Variants in CKAP5 observed in about 807,000 individuals in gnomAD.
The protein encoded by CKAP5 is cytoskeleton-associated protein 5.
CKAP5 carries 27 observed loss-of-function variants against 232.8 expected under a neutral mutation model. The observed-to-expected ratio is 0.12, with a 90% CI of 0.09 to 0.16. The LOEUF (loss-of-function observed/expected upper bound fraction) is 0.16, where lower values mean the gene tolerates loss of function less well. Ranked by LOEUF, CKAP5 falls within the 10% of genes least tolerant of loss-of-function variation. CKAP5 has a pLI of 1.00. For synonymous variants in CKAP5, 785 were observed against 841.1 expected, an observed-to-expected ratio of 0.93 and a Z score of 1.16; for missense variants, 1,838 against 2,424.7, an observed-to-expected ratio of 0.76 and a Z score of 5.08.
chr11:46,797,436 A>G (rs1483172842), intron 11 of CKAP5, among the ~76,000 whole-genome samples: 1 of 152,142 alleles, frequency 6.6e-6, no homozygotes, highest in Non-Finnish European at 1.5e-5. Context: ...AACCCTTGGT[A>G]ATCCATTTAG....
intron 33 of CKAP5, 94 bp from the exon 34 acceptor site, chr11:46,759,536 G>T (rs2065139067): frequency 7.9e-7 from 1 of 1,269,704 alleles, no homozygotes; most frequent in Non-Finnish European, 1.1e-6. Flanking sequence ...CTTCAGGACA[G>T]ATGTTCAACT....
chr11:46,753,681 G>T (rs1290754833), intron 36 of CKAP5, among the ~76,000 whole-genome samples, 184 bp from the exon 37 acceptor site: 1 of 151,890 alleles, frequency 6.6e-6, no homozygotes, highest in Non-Finnish European at 1.5e-5. Context: ...CTGCCTCCCC[G>T]GTTCATGCCA....
At chr11:46,764,941 T>C (rs950995679) in intron 28 of CKAP5, among the ~76,000 whole-genome samples, 190 bp downstream of exon 28, 3 of 58,336 alleles carry the variant, frequency 5.1e-5, no homozygotes, top group Admixed American at 1.8e-4. Flanking sequence ...CAGGGAAAAA[T>C]AGGCAATAAC....
chr11:46,780,463 TA>T lies in CKAP5; in HGVS notation c.2271del (p.Ser758AlafsTer3). ...GFSGLNVKAF[I>X]SNVKTALAAT... ...GCAGCAAGAGCTGTCTTCACATTGC[TA>T]ATGAAAGCTTTGACATTCAACCTAG... On this transcript the variant is annotated frameshift_variant, in exon 19 of 44. Coordinates refer to ENST00000529230, the MANE Select transcript of CKAP5 (RefSeq NM_001008938.4). LOFTEE classifies it high-confidence loss of function. The T allele has an allele frequency of 6.2e-7, 1 of 1,613,862 alleles. No homozygotes were observed. The highest frequency in any genetic ancestry group is 8.5e-7 in the Non-Finnish European group (1 of 1,179,858).
chr11:46,772,876 G>A (rs978557361), intron 24 of CKAP5, among the ~76,000 whole-genome samples: 4 of 152,010 alleles, frequency 2.6e-5, no homozygotes, highest in African/African-American at 9.7e-5. Flanking sequence ...CGAGTAGCTG[G>A]GACTACAGGC....
intron 13 of CKAP5, among the ~76,000 whole-genome samples, chr11:46,790,879 G>C (rs1358884758): frequency 4.6e-5 from 7 of 152,040 alleles, no homozygotes; most frequent in Admixed American, 4.6e-4. Context: ...TCGAATTCCT[G>C]GCTGCAAGAG....
intron 1 of CKAP5, among the ~76,000 whole-genome samples, chr11:46,833,607 T>G (rs1438512728): frequency 6.6e-6 from 1 of 151,650 alleles, no homozygotes; most frequent in Non-Finnish European, 1.5e-5. Context: ...GCCTCCCAAG[T>G]AGCTGGGACT....
chr11:46,796,840 G>A lies in CKAP5; in HGVS notation c.1439C>T (p.Ala480Val). The A allele has an allele frequency of 6.2e-7, 1 of 1,613,976 alleles. No homozygotes were observed. Among genetic ancestry groups the A allele is most frequent in the Non-Finnish European group, 8.5e-7 (1 of 1,179,906 alleles). ...ATCAAGCTTGAGTTTGTCCACATCA[G>A]CTAGGAATGGGTTTACTGCTTTCTC... ...VGEKAVNPFL[A>V]DVDKLKLDKI... Residue 480 changes from alanine to valine, a missense_variant, in exon 12 of 44, where the codon GCT (alanine) becomes GTT (valine). By Grantham distance (64) the Ala-to-Val change is moderately conservative. Transcript: ENST00000529230.
At chr11:46,763,962 A>T (rs1002693630) in intron 28 of CKAP5, among the ~76,000 whole-genome samples, 2 of 152,146 alleles carry the variant, frequency 1.3e-5, no homozygotes, top group East Asian at 3.9e-4. Context: ...TAGCCCCCCA[A>T]GTAGCTGGGA....
At chr11:46,785,271 T>C (rs998227165) in intron 16 of CKAP5, among the ~76,000 whole-genome samples, 1 of 152,244 alleles carries the variant, frequency 6.6e-6, no homozygotes, top group Non-Finnish European at 1.5e-5. Context: ...TAACTTTTTT[T>C]GTTACGCCAC....
intron 9 of CKAP5, among the ~76,000 whole-genome samples, 179 bp from the exon 10 acceptor site, chr11:46,798,351 G>A (rs1035334019): frequency 6.6e-6 from 1 of 152,082 alleles, no homozygotes; most frequent in South Asian, 2.1e-4. Context: ...GAGGCAGGTG[G>A]GTTGCTTGAG....
At chr11:46,802,575 C>T (rs1939058613) in intron 8 of CKAP5, among the ~76,000 whole-genome samples, 1 of 151,884 alleles carries the variant, frequency 6.6e-6, no homozygotes, top group South Asian at 2.1e-4. Flanking sequence ...CACACACACA[C>T]ACACACACAC....
rs535440345 is a variant in CKAP5 at position 46,767,648 on chromosome 11, C to T, written c.3338G>A (p.Cys1113Tyr). Residue 1113 changes from cysteine to tyrosine, a missense_variant, in exon 27 of 44, where the codon TGT (cysteine) becomes TAT (tyrosine). Physicochemically the swap from Cys to Tyr is radical, Grantham distance 194. Around this residue, in one of 6 missense-constraint regions of CKAP5, gnomAD observed 767 missense variants for 954.6 expected, o/e 0.80. Transcript: ENST00000529230. ...TTTGGGTTCTGTACTGCTGGAAATA[C>T]AATCTTCAGCAGGTGCTTTGAGGAA... ...FQPASAPAED[C>Y]ISSSTEPKPD... 4.2e-5 allele frequency: 67 copies of T among 1,608,424 alleles called. No individual in the cohort carries two copies. Among genetic ancestry groups the T allele is most frequent in the South Asian group, 3.8e-4 (34 of 90,152 alleles).
At chr11:46,832,156 G>T (rs1276800070) in intron 1 of CKAP5, among the ~76,000 whole-genome samples, 1 of 151,908 alleles carries the variant, frequency 6.6e-6, no homozygotes, top group Non-Finnish European at 1.5e-5. Context: ...CACTGCGCCT[G>T]GTCTTATAAA....
At chr11:46,780,133 GT>G (rs1181924059) in intron 20 of CKAP5, 60 bp downstream of exon 20, 1 of 1,583,444 alleles carries the variant, frequency 6.3e-7, no homozygotes, top group Non-Finnish European at 8.7e-7. Flanking sequence ...ACACCCAACA[GT>G]TTAGTCTTAA....
intron 11 of CKAP5, 143 bp from the exon 12 acceptor site, chr11:46,797,083 GAC>G: frequency 1.1e-6 from 1 of 909,610 alleles, no homozygotes; most frequent in Non-Finnish European, 1.6e-6. Context: ...TGTGCCAATT[GAC>G]AGTTACTCTT....
At chr11:46,811,600 C>G (rs1042589681) in intron 4 of CKAP5, among the ~76,000 whole-genome samples, 4 of 152,114 alleles carry the variant, frequency 2.6e-5, no homozygotes, top group African/African-American at 9.7e-5. Flanking sequence ...TCTCAGTCTC[C>G]CAAGTAGCTG....
intron 2 of CKAP5, 111 bp downstream of exon 2, chr11:46,821,064 C>A: frequency 1.6e-6 from 1 of 627,550 alleles, no homozygotes; most frequent in Non-Finnish European, 2.7e-6. Context: ...AACAAGGCAT[C>A]AGTATTTTTG....
intron 8 of CKAP5, among the ~76,000 whole-genome samples, chr11:46,804,244 G>A (rs1205205566): frequency 6.6e-6 from 1 of 152,186 alleles, no homozygotes; most frequent in African/African-American, 2.4e-5. Context: ...TTATAAGTGA[G>A]CAATGGACCA....
Sources: gnomAD v4.1 joint callset for allele counts (sites outside exome capture counted in the v4.1 genomes callset) on GRCh38, gnomAD v4.1.1 for gene constraint, gnomAD v4.1.1 regional missense constraint, MANE v1.5 for transcripts, NCBI Gene and HGNC (gene_info 2026-07-23, HGNC 2026-07-21) for gene names.